SP2: variants seen among roughly 807,000 people sequenced by gnomAD.
SP2 encodes transcription factor Sp2.
SP2 carries 9 observed loss-of-function variants against 50.1 expected under a neutral mutation model. The observed-to-expected ratio is 0.18, with a 90% confidence interval of 0.11 to 0.31. The LOEUF is 0.31. SP2 is among the 10% of genes least tolerant of loss of function. The pLI, the probability that SP2 is intolerant of heterozygous loss-of-function variation, is 1.00. For synonymous variants in SP2, 313 were observed against 326.6 expected (o/e 0.96, Z 0.45); for missense variants, 581 against 806.5 (o/e 0.72, Z 3.39).
At chr17:47,927,654 C>G in intron 6 of SP2, 70 bp from the exon 7 acceptor site, 3 of 1,056,422 alleles carry the variant, frequency 2.8e-6, no homozygotes, top group Non-Finnish European at 4.3e-6. Context: ...CTCACACGCA[C>G]CCCACCTTTT....
At chr17:47,912,308 T>G (rs2143905170) in intron 1 of SP2, among the ~76,000 whole-genome samples, 1 of 152,324 alleles carries the variant, frequency 6.6e-6, no homozygotes, top group Admixed American at 6.5e-5. Context: ...CATACACATT[T>G]GCAGGTGTGT....
At chr17:47,907,698 C>T (rs935809062) in intron 1 of SP2, among the ~76,000 whole-genome samples, 9 of 152,108 alleles carry the variant, frequency 5.9e-5, no homozygotes, top group Non-Finnish European at 1.5e-5. Flanking sequence ...ATTAAAATGG[C>T]GGAAGTGGTA....
intron 1 of SP2, chr17:47,899,233 T>C (rs531125894): frequency 6.6e-6 from 1 of 152,370 alleles, no homozygotes; most frequent in Non-Finnish European, 1.5e-5. Context: ...TATCAGCAGA[T>C]CTTTTTTTGG....
intron 1 of SP2, among the ~76,000 whole-genome samples, chr17:47,905,220 C>T (rs2034710938): frequency 6.6e-6 from 1 of 152,200 alleles, no homozygotes; most frequent in African/African-American, 2.4e-5. Context: ...CAACTTTGTT[C>T]TCTAAAACCA....
At chr17:47,903,590 C>T (rs184650650) in intron 1 of SP2, among the ~76,000 whole-genome samples, 240 of 152,002 alleles carry the variant, frequency 1.6e-3, no homozygotes, top group African/African-American at 5.5e-3. Flanking sequence ...TCACTTGAAC[C>T]GGGGGGCGGA....
At chr17:47,907,809 A>G (rs2034822942) in intron 1 of SP2, among the ~76,000 whole-genome samples, 1 of 152,230 alleles carries the variant, frequency 6.6e-6, no homozygotes, top group Non-Finnish European at 1.5e-5. Flanking sequence ...ATTTATGTCC[A>G]AATTGTATAT....
intron 1 of SP2, chr17:47,898,682 A>G (rs2034430056): frequency 6.6e-6 from 1 of 152,206 alleles, no homozygotes; most frequent in Admixed American, 6.5e-5. Context: ...GATATTTTGG[A>G]TCAGGTGGAC....
intron 6 of SP2, 28 bp downstream of exon 6, chr17:47,925,569 A>T: frequency 6.3e-7 from 1 of 1,591,262 alleles, no homozygotes; most frequent in Non-Finnish European, 8.6e-7. Context: ...GGGACCCTCC[A>T]CCCACAGAGG....
In SP2 at chr17:47,923,039, C is replaced by G; in HGVS notation, c.1137C>G (p.Thr379=). The part of the protein sequence containing the change: ...QDSPPATAAA[T]SNTTCSSPAS... ...GCCCCCCAGCAACAGCTGCAGCCAC[C>G]TCTAACACCACCTGTAGCAGCCCTG... The change falls in exon 4 of 7, where the codon ACC becomes ACG. Residue 379 remains threonine, a synonymous_variant. Coordinates refer to ENST00000376741, the MANE Select transcript of SP2 (RefSeq NM_003110.6). 6.2e-7 allele frequency: 1 copy of G among 1,614,186 alleles called. No homozygotes were observed. The highest frequency in any genetic ancestry group is 2.2e-5 in the East Asian group (1 of 44,884).
At chr17:47,924,835 T>C in intron 4 of SP2, 84 bp from the exon 5 acceptor site, 2 of 1,281,310 alleles carry the variant, frequency 1.6e-6, no homozygotes, top group Non-Finnish European at 2.2e-6. Flanking sequence ...GATTATCATC[T>C]TTGTCATGTG....
downstream of SP2, among the ~76,000 whole-genome samples, chr17:47,930,376 G>T (rs1312849383): frequency 3.9e-5 from 6 of 152,172 alleles, no homozygotes; most frequent in African/African-American, 1.4e-4. Context: ...TGTGCTTTAT[G>T]CTTCCAGTAC....
At chr17:47,911,821 AT>A (rs1195532324) in intron 1 of SP2, among the ~76,000 whole-genome samples, 1 of 151,790 alleles carries the variant, frequency 6.6e-6, no homozygotes, top group African/African-American at 2.4e-5. Context: ...AAAAAAAAAA[AT>A]CACAGTGAAA....
At chr17:47,903,473 C>T (rs2034624418) in intron 1 of SP2, among the ~76,000 whole-genome samples, 2 of 149,614 alleles carry the variant, frequency 1.3e-5, no homozygotes, top group African/African-American at 4.9e-5. Context: ...CGAGACCAGC[C>T]TGGCGAACAT....
chr17:47,918,948 A>G (rs1239862394), intron 3 of SP2, among the ~76,000 whole-genome samples: 1 of 152,206 alleles, frequency 6.6e-6, no homozygotes, highest in Non-Finnish European at 1.5e-5. Context: ...CAAAGCTAAA[A>G]TATTTACTCT....
intron 3 of SP2, among the ~76,000 whole-genome samples, chr17:47,922,561 C>G (rs544668809): frequency 1.1e-4 from 17 of 151,426 alleles, no homozygotes; most frequent in African/African-American, 4.1e-4. Context: ...CTCTGTCACC[C>G]AGGCTAAGTG....
chr17:47,926,321 T>G (rs1178094946), intron 6 of SP2, among the ~76,000 whole-genome samples: 4 of 150,908 alleles, frequency 2.7e-5, no homozygotes, highest in African/African-American at 9.7e-5. Flanking sequence ...TTTTGTTTTT[T>G]TTTTTTTTTA....
intron 3 of SP2, chr17:47,917,952 CCAGAACT>C: frequency 4.2e-6 from 1 of 238,100 alleles, no homozygotes; most frequent in South Asian, 3.5e-5. Context: ...GATGGATAAC[CCAGAACT>C]CAGATAATTT....
At position 47,924,119 on chromosome 17, in the gene SP2, C is replaced by T. The variant is rs185688216; in HGVS notation, c.1373-800C>T. On this transcript the variant is annotated intron_variant, in intron 4 of 6. Transcript: ENST00000376741. ...CCCAAAGCCCATAGAACTGTGTCCT[C>T]TTTTGTGTTTTTTGGTTTTTTTTTT... Among the ~76,000 whole-genome samples, 456 of 151,378 alleles carry T rather than the reference C, an allele frequency of 3.0e-3. 4 individuals are homozygous for T. Among genetic ancestry groups the T allele is most frequent in the Middle Eastern group, 6.8e-3 (2 of 294 alleles).
At chr17:47,917,224 C>G (rs1484155549) in intron 3 of SP2, 94 bp downstream of exon 3, 16 of 1,332,234 alleles carry the variant, frequency 1.2e-5, no homozygotes, top group Non-Finnish European at 1.4e-5. Flanking sequence ...CCAGCTTGAT[C>G]TGACCTTGAG....
Sources: gnomAD v4.1 joint callset for allele counts (sites outside exome capture counted in the v4.1 genomes callset) on GRCh38, gnomAD v4.1.1 for gene constraint, MANE v1.5 for transcripts, NCBI Gene and HGNC (gene_info 2026-07-23, HGNC 2026-07-21) for gene names.